EPB41L3: variants seen among roughly 807,000 people sequenced by gnomAD.
EPB41L3 encodes band 4.1-like protein 3.
In EPB41L3, 57 loss-of-function variants were observed where a neutral mutation model predicts 127.1. The observed-to-expected ratio is 0.45, with a 90% CI of 0.36 to 0.56. The LOEUF (loss-of-function observed/expected upper bound fraction) is 0.56, where lower values mean the gene tolerates loss of function less well. EPB41L3 is among the 20% of genes least tolerant of loss of function. The pLI, the probability that EPB41L3 is intolerant of heterozygous loss-of-function variation, is 0.00. For missense variants in EPB41L3, 1,273 were observed against 1,372.2 expected (o/e 0.93, Z 1.14); for synonymous variants, 572 against 549.5 (o/e 1.04, Z -0.57).
intron 14 of EPB41L3, 147 bp downstream of exon 14, chr18:5,410,419 A>G: frequency 1.7e-6 from 1 of 576,460 alleles, no homozygotes; most frequent in South Asian, 2.2e-5. Context: ...ACTGGTCTAG[A>G]CAACAAAATA....
chr18:5,557,986 T>C (rs1457709787), intron 3 of EPB41L3, among the ~76,000 whole-genome samples: 1 of 152,216 alleles, frequency 6.6e-6, no homozygotes, highest in African/African-American at 2.4e-5. Context: ...CAACAAGATT[T>C]TGAACAACAG....
intron 1 of EPB41L3, among the ~76,000 whole-genome samples, chr18:5,623,089 C>T (rs2094883375): frequency 6.8e-6 from 1 of 146,728 alleles, no homozygotes; most frequent in African/African-American, 2.5e-5. Context: ...GCAGGGAATT[C>T]TGTTATTTCT....
intron 13 of EPB41L3, among the ~76,000 whole-genome samples, chr18:5,414,680 G>A (rs2076579503): frequency 6.6e-6 from 1 of 152,168 alleles, no homozygotes; most frequent in Non-Finnish European, 1.5e-5. Context: ...GGAGCCTGGG[G>A]AGAGGAGTGG....
upstream of EPB41L3, among the ~76,000 whole-genome samples, chr18:5,548,333 C>A (rs2093914389): frequency 6.6e-6 from 1 of 152,164 alleles, no homozygotes. Flanking sequence ...ATGCTCTCTT[C>A]ATATTGAGTT....
chr18:5,509,937 A>G (rs191863214), intron 1 of EPB41L3, among the ~76,000 whole-genome samples: 1 of 152,344 alleles, frequency 6.6e-6, no homozygotes, highest in Admixed American at 6.5e-5. Flanking sequence ...AACTAGAGCC[A>G]GGTTGGGAAG....
At chr18:5,597,572 G>T (rs571975438) in intron 3 of EPB41L3, among the ~76,000 whole-genome samples, 1 of 152,074 alleles carries the variant, frequency 6.6e-6, no homozygotes, top group Non-Finnish European at 1.5e-5. Flanking sequence ...AATGAATTTT[G>T]TAAGAGATGA....
At chr18:5,465,989 G>C (rs1312675499) in intron 3 of EPB41L3, among the ~76,000 whole-genome samples, 1 of 151,032 alleles carries the variant, frequency 6.6e-6, no homozygotes, top group Non-Finnish European at 1.5e-5. Context: ...AAAAAAGTAG[G>C]AAAAAAACTA....
rs1327558627 is a variant in EPB41L3 at position 5,478,314 on chromosome 18, A to G, written c.308T>C (p.Ile103Thr). 2.5e-6 allele frequency: 4 copies of G among 1,614,126 alleles called. No individual in the cohort carries two copies. The South Asian group carries it at 3.3e-5, about 13-fold the overall frequency. ...CTGCATGCTTTTAGGCTTTTTGACA[A>G]TCTTTAATGGAGACCGAGAGAGTTT... ...SSKLSRSPLK[I>T]VKKPKSMQCK... is the part of the protein sequence containing the mutation. Residue 103 changes from isoleucine (I) to threonine (T), a missense_variant, in exon 3 of 23, where the codon ATT becomes ACT. Physicochemically the swap from Ile to Thr is moderately conservative, Grantham distance 89. Transcript: ENST00000341928.
intron 1 of EPB41L3, among the ~76,000 whole-genome samples, chr18:5,497,670 T>C (rs943794750): frequency 1.3e-5 from 2 of 152,224 alleles, no homozygotes; most frequent in Admixed American, 6.5e-5. Context: ...AAATCATTCA[T>C]GAACCCGATA....
At chr18:5,492,842 AT>A (rs1328245523) in intron 1 of EPB41L3, among the ~76,000 whole-genome samples, 1 of 151,654 alleles carries the variant, frequency 6.6e-6, no homozygotes, top group Non-Finnish European at 1.5e-5. Flanking sequence ...GGAGTCCTTA[AT>A]TTTTTTTTAA....
intron 1 of EPB41L3, among the ~76,000 whole-genome samples, chr18:5,617,819 C>G (rs2094815769): frequency 6.6e-6 from 1 of 152,134 alleles, no homozygotes; most frequent in Non-Finnish European, 1.5e-5. Context: ...GAAAGCCTAA[C>G]TATGAGCAAA....
intron 11 of EPB41L3, 119 bp from the exon 12 acceptor site, chr18:5,419,996 TA>T: frequency 1.9e-6 from 3 of 1,552,740 alleles, no homozygotes; most frequent in South Asian, 2.4e-5. Flanking sequence ...ACATGAACAA[TA>T]CCAACTATAT....
chr18:5,586,083 A>G (rs967872133), intron 3 of EPB41L3, among the ~76,000 whole-genome samples: 4 of 152,148 alleles, frequency 2.6e-5, no homozygotes, highest in Non-Finnish European at 5.9e-5. Context: ...ATACCCCTCT[A>G]TAAAATTCCC....
In EPB41L3 at chr18:5,586,120, C is replaced by G. The variant is rs8099663; in HGVS notation, c.-306+26220G>C. ...GCATTCCATTCTCCAAAACTCACAG[C>G]TAAATGTGCCTCTGCTTCCTATGAT... On this transcript the variant is annotated intron_variant, in intron 3 of 21. Transcript: ENST00000545076. 8.7e-3 allele frequency among the ~76,000 whole-genome samples: 1,331 copies of G among 152,304 alleles called. 16 individuals are homozygous for G. Among genetic ancestry groups the G allele is most frequent in the African/African-American group, 0.03 (1,256 of 41,552 alleles).
Position 5,549,911 on chromosome 18 carries a change from C to T in EPB41L3, c.-305-60750G>A, listed in dbSNP as rs186170842. On this transcript the variant is annotated intron_variant, in intron 3 of 21. Coordinates refer to the EPB41L3 transcript ENST00000545076. ...GCTGAACTGAAGATAATCTACACTA[C>T]ACGATTCACAGTTTGCAGGAGTTAT... Among the ~76,000 whole-genome samples the T allele has an allele frequency of 1.6e-3, 244 of 152,310 alleles. 1 individual carries two copies. Among genetic ancestry groups the T allele is most frequent in the African/African-American group, 5.6e-3 (231 of 41,562 alleles).
intron 3 of EPB41L3, among the ~76,000 whole-genome samples, chr18:5,477,790 T>C (rs1366538711): frequency 6.6e-6 from 1 of 152,020 alleles, no homozygotes; most frequent in African/African-American, 2.4e-5. Flanking sequence ...AATTACTCAT[T>C]CTCCAAGCAA....
At chr18:5,523,265 G>A (rs575004197) in intron 1 of EPB41L3, among the ~76,000 whole-genome samples, 1 of 152,292 alleles carries the variant, frequency 6.6e-6, no homozygotes, top group South Asian at 2.1e-4. Context: ...TTTCTGAATA[G>A]AAGCTTTTCA....
At chr18:5,437,482 A>G (rs1412955175) in intron 6 of EPB41L3, among the ~76,000 whole-genome samples, 1 of 152,238 alleles carries the variant, frequency 6.6e-6, no homozygotes, top group Non-Finnish European at 1.5e-5. Flanking sequence ...GACATCCAGT[A>G]CAGCTTTATA....
At chr18:5,566,580 A>G (rs2094200865) in intron 3 of EPB41L3, among the ~76,000 whole-genome samples, 1 of 152,132 alleles carries the variant, frequency 6.6e-6, no homozygotes. Flanking sequence ...CAAGCTACCA[A>G]TGACTTTCTT....
Sources: gnomAD v4.1 joint callset for allele counts (sites outside exome capture counted in the v4.1 genomes callset) on GRCh38, gnomAD v4.1.1 for gene constraint, MANE v1.5 for transcripts, NCBI Gene and HGNC (gene_info 2026-07-23, HGNC 2026-07-21) for gene names.